The following DOCK9 variants were observed in gnomAD, a reference collection of about 807,000 sequenced individuals.
The protein encoded by DOCK9 is dedicator of cytokinesis protein 9.
In DOCK9, 89 loss-of-function variants were observed where a neutral mutation model predicts 263.3. That is an observed-to-expected ratio of 0.34 (90% CI 0.28 to 0.40). DOCK9 has a LOEUF of 0.40. Ranked by LOEUF, DOCK9 falls within the 10% of genes least tolerant of loss-of-function variation. DOCK9 has a pLI of 1.00. For missense variants in DOCK9, 2,140 were observed against 2,603.4 expected, an observed-to-expected ratio of 0.82 and a Z score of 3.87; for synonymous variants, 976 against 973.1, an observed-to-expected ratio of 1.00 and a Z score of -0.06.
chr13:98,844,362 A>T (rs1566686916), intron 38 of DOCK9, among the ~76,000 whole-genome samples: 3 of 113,882 alleles, frequency 2.6e-5, no homozygotes, highest in South Asian at 5.6e-4. Flanking sequence ...AACATTTTTT[A>T]TTTTTTTTAT....
At chr13:99,076,209 A>G (rs1327483208) in intron 1 of DOCK9, among the ~76,000 whole-genome samples, 3 of 152,048 alleles carry the variant, frequency 2.0e-5, no homozygotes, top group Non-Finnish European at 2.9e-5. Flanking sequence ...TCCTTGCAAA[A>G]CTCATTATTC....
chr13:98,961,871 C>T (rs562835287), intron 1 of DOCK9, among the ~76,000 whole-genome samples: 9 of 152,294 alleles, frequency 5.9e-5, no homozygotes, highest in African/African-American at 1.9e-4. Context: ...GAAGATGGGA[C>T]GCCATGGCAC....
chr13:99,084,728 A>T (rs1482748886), intron 1 of DOCK9, among the ~76,000 whole-genome samples: 3 of 152,086 alleles, frequency 2.0e-5, no homozygotes, highest in Non-Finnish European at 4.4e-5. Flanking sequence ...CACTTTATTT[A>T]CTCTTCTTCT....
intron 45 of DOCK9, among the ~76,000 whole-genome samples, chr13:98,821,317 A>C (rs1380412972): frequency 1.3e-5 from 2 of 152,106 alleles, no homozygotes; most frequent in Non-Finnish European, 2.9e-5. Flanking sequence ...GGGTGCCCTC[A>C]GGAGTCCTTT....
At chr13:98,981,979 A>G (rs557202551), upstream of DOCK9, among the ~76,000 whole-genome samples, 142 of 152,302 alleles carry the variant, frequency 9.3e-4, no homozygotes, top group Non-Finnish European at 1.6e-3. Flanking sequence ...AGCTCCTACC[A>G]TCTACTAACC....
At chr13:98,813,411 T>A (rs1290349581) in intron 45 of DOCK9, among the ~76,000 whole-genome samples, 9 of 152,190 alleles carry the variant, frequency 5.9e-5, no homozygotes, top group South Asian at 4.2e-4. Context: ...CTCATTTTTT[T>A]AAAAAAATTA....
chr13:98,956,079 G>A (rs764313806), intron 1 of DOCK9, among the ~76,000 whole-genome samples: 6 of 152,224 alleles, frequency 3.9e-5, no homozygotes, highest in Admixed American at 6.5e-5. Flanking sequence ...ATACCTAAAG[G>A]TAGAAAGATA....
At position 98,922,205 on chromosome 13, in the gene DOCK9, G is replaced by A. The variant is rs1350008509; in HGVS notation, c.487-59C>T. On this transcript the variant is annotated intron_variant, in intron 5 of 52. Coordinates refer to ENST00000682017, the MANE Select transcript of DOCK9 (RefSeq NM_001366683.2). ...CCCGTTATTACCTGGGTTGCTTGCT[G>A]TGAGTTTGGTCAATGGGAAGGTCAT... 5 of 1,341,844 alleles carry A rather than the reference G, an allele frequency of 3.7e-6. No individual in the cohort carries two copies. In the Admixed American group the frequency reaches 1.0e-4, roughly 27 times the overall value. The allele number at this position is 1,341,844 out of a possible 1,614,324, so 83.1% of individuals were successfully genotyped here. A position where few individuals can be genotyped will look rare whatever the true frequency, so the allele number is the denominator to read the frequency against.
chr13:98,921,920 G>A (rs565534679), intron 6 of DOCK9, 131 bp downstream of exon 6: 3 of 787,748 alleles, frequency 3.8e-6, no homozygotes, highest in African/African-American at 3.4e-5. Context: ...CACCAGGGGA[G>A]CATCCTAGGA....
At chr13:98,843,954 T>G (rs2093307975) in intron 38 of DOCK9, among the ~76,000 whole-genome samples, 1 of 152,234 alleles carries the variant, frequency 6.6e-6, no homozygotes, top group Non-Finnish European at 1.5e-5. Flanking sequence ...GGTGCAGCAC[T>G]GGTGTACTTA....
At chr13:98,935,235 A>G (rs2054621017) in intron 2 of DOCK9, among the ~76,000 whole-genome samples, 1 of 152,238 alleles carries the variant, frequency 6.6e-6, no homozygotes, top group Non-Finnish European at 1.5e-5. Context: ...TGGGAAGTTC[A>G]AAGCACAAAA....
intron 1 of DOCK9, among the ~76,000 whole-genome samples, chr13:99,038,295 T>C (rs1008419627): frequency 0.021 from 1,488 of 70,254 alleles, 68 homozygotes; most frequent in Non-Finnish European, 0.029. Context: ...CCCCTTTTTT[T>C]TTTTTTTTTT....
At chr13:98,977,700 C>A in intron 1 of DOCK9, 84 bp downstream of exon 1, 3 of 1,294,674 alleles carry the variant, frequency 2.3e-6, no homozygotes, top group East Asian at 2.7e-5. Flanking sequence ...CAAAGACAGG[C>A]AACAGGCGTC....
intron 13 of DOCK9, 42 bp from the exon 14 acceptor site, chr13:98,898,303 C>CAGTTCTTTCAG: frequency 6.8e-7 from 1 of 1,473,384 alleles, no homozygotes; most frequent in Non-Finnish European, 9.4e-7. Flanking sequence ...CTGCATCTCA[C>CAGTTCTTTCAG]TGAAAGAACT....
intron 1 of DOCK9, among the ~76,000 whole-genome samples, chr13:99,004,473 T>C (rs191178846): frequency 1.5e-4 from 23 of 152,198 alleles, no homozygotes; most frequent in African/African-American, 5.5e-4. Context: ...CATAAAACTA[T>C]TTAGCATACA....
chr13:99,073,908 T>C (rs915553008), intron 1 of DOCK9, among the ~76,000 whole-genome samples: 2 of 152,236 alleles, frequency 1.3e-5, no homozygotes, highest in Admixed American at 6.5e-5. Context: ...GCCAAAACTC[T>C]TTCTAGAATT....
intron 10 of DOCK9, among the ~76,000 whole-genome samples, chr13:98,903,547 C>A (rs1288908698): frequency 7.0e-6 from 1 of 142,424 alleles, no homozygotes; most frequent in African/African-American, 2.6e-5. Flanking sequence ...TTGCAGTGAG[C>A]CGAGATTGCA....
chr13:99,041,816 C>G (rs537381586), intron 1 of DOCK9, among the ~76,000 whole-genome samples: 1 of 152,224 alleles, frequency 6.6e-6, no homozygotes, highest in African/African-American at 2.4e-5. Flanking sequence ...GGAGAAGACA[C>G]AGACGCAGAG....
At chr13:98,939,772 A>G (rs1380886814) in intron 2 of DOCK9, among the ~76,000 whole-genome samples, 1 of 152,164 alleles carries the variant, frequency 6.6e-6, no homozygotes, top group Non-Finnish European at 1.5e-5. Context: ...CCAAATGGAG[A>G]GCATCCACGT....
Sources: gnomAD v4.1 joint callset for allele counts (sites outside exome capture counted in the v4.1 genomes callset) on GRCh38, gnomAD v4.1.1 for gene constraint, MANE v1.5 for transcripts, NCBI Gene and HGNC (gene_info 2026-07-23, HGNC 2026-07-21) for gene names.